The following UNC13C variants were observed in gnomAD, a reference collection of about 807,000 sequenced individuals.
The protein encoded by UNC13C is unc-13 homolog C.
In UNC13C, 174 loss-of-function variants were observed where a neutral mutation model predicts 245.4. The observed-to-expected ratio is 0.71, with a 90% CI of 0.63 to 0.80. The LOEUF (loss-of-function observed/expected upper bound fraction) is 0.80, where lower values mean the gene tolerates loss of function less well. Among genes scored for constraint, UNC13C ranks in the 30% least tolerant of loss-of-function variants. The pLI is 0.00. For missense variants in UNC13C, 2,829 were observed against 2,602.9 expected, an observed-to-expected ratio of 1.09 and a Z score of -1.89; for synonymous variants, 992 against 895.1, an observed-to-expected ratio of 1.11 and a Z score of -1.93.
At chr15:54,512,321 A>T (rs777740706) in intron 24 of UNC13C, 4 of 455,802 alleles carry the variant, frequency 8.8e-6, no homozygotes, top group South Asian at 6.2e-5. Context: ...TTTGTCCAAC[A>T]TCTTTGACTT....
chr15:54,463,087 G>A (rs1891946454), intron 19 of UNC13C, among the ~76,000 whole-genome samples: 1 of 151,626 alleles, frequency 6.6e-6, no homozygotes, highest in Admixed American at 6.6e-5. Context: ...TAATCTAGTG[G>A]GGACTTGGAG....
chr15:54,158,584 A>G (rs1334442105), intron 4 of UNC13C, among the ~76,000 whole-genome samples: 2 of 152,092 alleles, frequency 1.3e-5, no homozygotes, highest in Non-Finnish European at 2.9e-5. Context: ...CTCCCAAAGT[A>G]CTGGGATTAC....
intron 4 of UNC13C, among the ~76,000 whole-genome samples, chr15:54,220,592 A>G (rs2035194612): frequency 6.8e-6 from 1 of 147,322 alleles, no homozygotes; most frequent in African/African-American, 2.6e-5. Flanking sequence ...AACTTAAAGT[A>G]TAATAATAAT....
intron 17 of UNC13C, among the ~76,000 whole-genome samples, chr15:54,377,708 G>A (rs1331577499): frequency 1.3e-5 from 2 of 152,134 alleles, no homozygotes; most frequent in Admixed American, 1.3e-4. Context: ...GTCTTTCTGT[G>A]TCCTCACATG....
chr15:53,864,946 A>C, the UNC13C span, among the ~76,000 whole-genome samples: 28 of 152,276 alleles, frequency 1.8e-4, no homozygotes, highest in Admixed American at 8.5e-4. Flanking sequence ...AAAGGGCATT[A>C]ACCAGGGGTC....
At position 54,236,508 on chromosome 15, in the gene UNC13C, T is replaced by A; in HGVS notation, c.3156+73T>A. On this transcript the variant is annotated intron_variant, in intron 6 of 32. Transcript: ENST00000260323. The stretch of plus-strand genomic sequence containing the variant: ...ACATACACTGCACTTACTCATGGGG[T>A]AAAAGAGGGCAAGAATGGAGAAATG... The A allele has an allele frequency of 7.0e-6, 8 of 1,150,442 alleles. No homozygotes were observed. The South Asian group carries it at 1.0e-4, about 15-fold the overall frequency. 71.3% of individuals were successfully genotyped at this position (1,150,442 alleles called of 1,614,324 possible).
chr15:54,456,398 T>C (rs1023246298), intron 19 of UNC13C, among the ~76,000 whole-genome samples: 2 of 152,084 alleles, frequency 1.3e-5, no homozygotes, highest in Non-Finnish European at 2.9e-5. Flanking sequence ...AGAATGATGA[T>C]GGTATTATGG....
At chr15:54,053,113 G>A (rs952403942) in intron 2 of UNC13C, among the ~76,000 whole-genome samples, 1 of 152,084 alleles carries the variant, frequency 6.6e-6, no homozygotes, top group African/African-American at 2.4e-5. Context: ...AATTCTCCTG[G>A]CTCAGCTTCC....
the UNC13C span, among the ~76,000 whole-genome samples, chr15:53,946,176 C>T: frequency 6.6e-6 from 1 of 152,144 alleles, no homozygotes; most frequent in African/African-American, 2.4e-5. Context: ...ATCACGTCTA[C>T]AAACACAGAT....
At chr15:54,111,417 C>T (rs1409468679) in intron 2 of UNC13C, among the ~76,000 whole-genome samples, 1 of 152,142 alleles carries the variant, frequency 6.6e-6, no homozygotes, top group African/African-American at 2.4e-5. Context: ...AAATGAAGTC[C>T]TATTTGGAAT....
At chr15:54,632,377 A>T (rs1228137084), downstream of UNC13C, 1 of 152,152 alleles carries the variant, frequency 6.6e-6, no homozygotes, top group Non-Finnish European at 1.5e-5. Context: ...TTTATAGATC[A>T]TAGCTTTGCT....
chr15:53,954,862 A>G, the UNC13C span, among the ~76,000 whole-genome samples: 6 of 152,212 alleles, frequency 3.9e-5, no homozygotes, highest in South Asian at 2.1e-4. Context: ...AATAGACTAT[A>G]TGCTTCTAGC....
At chr15:54,579,381 A>C (rs931851125) in intron 30 of UNC13C, among the ~76,000 whole-genome samples, 42 of 152,214 alleles carry the variant, frequency 2.8e-4, no homozygotes, top group African/African-American at 8.7e-4. Context: ...ATTGATTGCC[A>C]AGGTGCAGTT....
chr15:54,147,098 A>T (rs2032293600), intron 4 of UNC13C, among the ~76,000 whole-genome samples: 1 of 152,142 alleles, frequency 6.6e-6, no homozygotes, highest in Non-Finnish European at 1.5e-5. Flanking sequence ...CCGGTGAATG[A>T]CACACTGGAG....
chr15:54,262,646 T>C (rs2036455409), intron 8 of UNC13C, among the ~76,000 whole-genome samples: 1 of 152,202 alleles, frequency 6.6e-6, no homozygotes. Context: ...AATGTCCTTT[T>C]AAATCATCTT....
At chr15:54,394,495 T>A (rs2040030710) in intron 18 of UNC13C, among the ~76,000 whole-genome samples, 1 of 151,856 alleles carries the variant, frequency 6.6e-6, no homozygotes, top group South Asian at 2.1e-4. Flanking sequence ...GAAGTACATC[T>A]CAGGTCTCTG....
chr15:53,995,170 C>G (rs1442089179), intron 1 of UNC13C, among the ~76,000 whole-genome samples: 4 of 151,496 alleles, frequency 2.6e-5, no homozygotes, highest in African/African-American at 9.7e-5. Flanking sequence ...GGTCAACAAA[C>G]AAATAGGAAT....
At chr15:54,544,340 A>G (rs1896389138) in intron 26 of UNC13C, among the ~76,000 whole-genome samples, 1 of 152,200 alleles carries the variant, frequency 6.6e-6, no homozygotes, top group South Asian at 2.1e-4. Flanking sequence ...AGCCAATATC[A>G]TACTGAATGG....
chr15:54,313,349 T>C (rs564421865), intron 13 of UNC13C, among the ~76,000 whole-genome samples: 51 of 151,792 alleles, frequency 3.4e-4, no homozygotes, highest in Non-Finnish European at 5.6e-4. Flanking sequence ...AGTTTATATT[T>C]GGGTTCATAT....
Sources: allele counts gnomAD v4.1 joint callset (sites outside exome capture counted in the v4.1 genomes callset), GRCh38; gene constraint gnomAD v4.1.1; transcripts MANE v1.5; gene names NCBI Gene and HGNC (gene_info 2026-07-23, HGNC 2026-07-21).